CCDC92B: variants seen among roughly 807,000 people sequenced by gnomAD.
CCDC92B encodes coiled-coil domain containing 92B.
A neutral mutation model predicts 5.6 loss-of-function variants in CCDC92B; 2 were observed. The ratio of observed to expected loss-of-function variants is 0.36; its 90% CI spans 0.15 to 1.12. The LOEUF is 1.12. Ranked by LOEUF, CCDC92B falls within the 50% of genes most tolerant of loss-of-function variation. The pLI, the probability that CCDC92B is intolerant of heterozygous loss-of-function variation, is 0.40. For missense variants in CCDC92B, 271 were observed against 262.2 expected, an observed-to-expected ratio of 1.03 and a Z score of -0.23; for synonymous variants, 115 against 122.3, an observed-to-expected ratio of 0.94 and a Z score of 0.39.
At chr17:2,727,551 T>G (rs144461593) in intron 3 of CCDC92B, among the ~76,000 whole-genome samples, 1 of 152,028 alleles carries the variant, frequency 6.6e-6, no homozygotes, top group Non-Finnish European at 1.5e-5. Flanking sequence ...GAGGGCTGGG[T>G]GCAGTGGCTC....
Position 2,728,149 on chromosome 17 carries a change from A to G in CCDC92B, c.178+2297T>C, listed in dbSNP as rs527785073. On this transcript the variant is annotated intron_variant, in intron 3 of 3. Transcript: ENST00000614400. ...AAAACCAGCCTGGGTGACATGGCGAAACCCCTCTCTACAAAAAAGCTGGGC... is the reference window on the plus strand; with the variant it reads ...AAAACCAGCCTGGGTGACATGGCGAGACCCCTCTCTACAAAAAAGCTGGGC... Among the ~76,000 whole-genome samples, 25 of 148,142 alleles carry G rather than the reference A, an allele frequency of 1.7e-4. No homozygotes were observed. In the South Asian group the frequency reaches 5.1e-3, roughly 30 times the overall value.
intron 1 of CCDC92B, among the ~76,000 whole-genome samples, chr17:2,736,424 C>T (rs1427623920): frequency 6.6e-6 from 1 of 151,794 alleles, no homozygotes; most frequent in African/African-American, 2.4e-5. Context: ...GAGACTCTGT[C>T]TCTAAATAAA....
chr17:2,744,711 G>A (rs1167659097), intron 1 of CCDC92B, among the ~76,000 whole-genome samples: 4 of 152,122 alleles, frequency 2.6e-5, no homozygotes, highest in African/African-American at 9.7e-5. Flanking sequence ...TGTGTTAGGG[G>A]TGATATACCC....
intron 1 of CCDC92B, among the ~76,000 whole-genome samples, chr17:2,740,595 G>A (rs939276449): frequency 3.3e-5 from 5 of 151,802 alleles, no homozygotes; most frequent in African/African-American, 7.3e-5. Flanking sequence ...CCCAGGAGGC[G>A]GAGGTTGCAG....
At chr17:2,729,442 C>T (rs970818935) in intron 3 of CCDC92B, among the ~76,000 whole-genome samples, 4 of 138,762 alleles carry the variant, frequency 2.9e-5, no homozygotes, top group South Asian at 2.2e-4. Context: ...TGCAGTGAGC[C>T]GAGATCGTGC....
intron 1 of CCDC92B, among the ~76,000 whole-genome samples, chr17:2,736,673 T>C (rs1184846858): frequency 6.6e-6 from 1 of 151,536 alleles, no homozygotes; most frequent in African/African-American, 2.4e-5. Context: ...TTGAGGTCAG[T>C]TCGAGACCAG....
rs1304510787 is a variant in CCDC92B at position 2,724,407 on chromosome 17, G to A, written c.*4C>T. On this transcript the variant is annotated 3_prime_UTR_variant, in exon 4 of 4. Coordinates refer to ENST00000614400, the MANE Select transcript of CCDC92B (RefSeq NM_001355573.2). This position sits in a 1 kb window ranked among gnomAD's most constrained non-coding sequence, Gnocchi z 5.0. Reference sequence around the variant, plus strand: ...GTCCCGCGTCACCCCGGCCAGCCTGGCGCCTACTCCGGGTCCCCGGGCGCG... The same window carrying A: ...GTCCCGCGTCACCCCGGCCAGCCTGACGCCTACTCCGGGTCCCCGGGCGCG... 1.0e-6 allele frequency: 1 copy of A among 984,832 alleles called. No individual in the cohort carries two copies. The highest frequency in any genetic ancestry group is 1.2e-6 in the Non-Finnish European group (1 of 829,794). The allele number at this position is 984,832 out of a possible 1,614,324, so 61.0% of individuals were successfully genotyped here. A position where few individuals can be genotyped will look rare whatever the true frequency, so the allele number is the denominator to read the frequency against.
intron 1 of CCDC92B, among the ~76,000 whole-genome samples, chr17:2,738,842 G>A (rs577513190): frequency 1.3e-5 from 2 of 151,460 alleles, no homozygotes; most frequent in South Asian, 4.2e-4. Flanking sequence ...AGGCTGAGGC[G>A]GGTGGATCAC....
chr17:2,727,591 C>T (rs1198356603), intron 3 of CCDC92B, among the ~76,000 whole-genome samples: 5 of 151,736 alleles, frequency 3.3e-5, no homozygotes, highest in Admixed American at 6.6e-5. Context: ...TTTGGGAGGC[C>T]AAGGTGGGCG....
At chr17:2,743,011 A>G (rs1362256482) in intron 1 of CCDC92B, among the ~76,000 whole-genome samples, 2 of 152,108 alleles carry the variant, frequency 1.3e-5, no homozygotes, top group Non-Finnish European at 2.9e-5. Context: ...CACTATCTCC[A>G]TCGTCATCAC....
Position 2,724,771 on chromosome 17 carries a change from C to T in CCDC92B, c.408G>A (p.Ala136=). ...GCAGCTGGCAGGAGAGGTAGGCGGC[C>T]GCCTCGGTGTGCTTCTGCAGCTCGG... ...LGTELQKHTE[A]AAYLSCQLHA... is the part of the protein sequence containing the mutation. The change falls in exon 4 of 4, where the codon GCG becomes GCA. Residue 136 remains alanine (A), a synonymous_variant. Transcript: ENST00000614400. This position sits in a 1 kb window ranked among gnomAD's most constrained non-coding sequence, Gnocchi z 5.0. The T allele has an allele frequency of 1.0e-6, 1 of 983,956 alleles. No homozygotes were observed. Among genetic ancestry groups the T allele is most frequent in the Non-Finnish European group, 1.2e-6 (1 of 829,462 alleles). The allele number at this position is 983,956 out of a possible 1,614,324, so 61.0% of individuals were successfully genotyped here.
At chr17:2,741,415 G>A (rs976752483) in intron 1 of CCDC92B, among the ~76,000 whole-genome samples, 3 of 151,874 alleles carry the variant, frequency 2.0e-5, no homozygotes, top group African/African-American at 4.8e-5. Context: ...GGGGTCTCAC[G>A]CCTGTAATCC....
chr17:2,734,974 G>A, intron 2 of CCDC92B, 42 bp downstream of exon 2: 1 of 895,710 alleles, frequency 1.1e-6, no homozygotes, highest in Non-Finnish European at 1.3e-6. Context: ...GATGATGACA[G>A]TGACCTCTCC....
chr17:2,729,005 G>T (rs1199312365), intron 3 of CCDC92B, among the ~76,000 whole-genome samples: 1 of 152,106 alleles, frequency 6.6e-6, no homozygotes, highest in Non-Finnish European at 1.5e-5. Context: ...GGCCAAGAAA[G>T]ACTTTTTATG....
At position 2,723,881 on chromosome 17, in the gene CCDC92B, G is replaced by C; in HGVS notation, c.*530C>G. On this transcript the variant is annotated 3_prime_UTR_variant, in exon 4 of 4. Transcript: ENST00000614400. Reference sequence around the variant, plus strand: ...CTCACCTGCAAGGACCTATCGGCAGGGTCAGGGTGGGGGTAGAAGGACCAG... The same window carrying C: ...CTCACCTGCAAGGACCTATCGGCAGCGTCAGGGTGGGGGTAGAAGGACCAG... 4.3e-6 allele frequency: 4 copies of C among 919,618 alleles called. No homozygotes were observed. The highest frequency in any genetic ancestry group is 5.2e-6 in the Non-Finnish European group (4 of 769,906). 57.0% of individuals were successfully genotyped at this position (919,618 alleles called of 1,614,324 possible). A position where few individuals can be genotyped will look rare whatever the true frequency, so the allele number is the denominator to read the frequency against.
rs897712788 is a variant in CCDC92B, at chr17:2,735,136, C to G, written c.10G>C (p.Val4Leu). The G allele has an allele frequency of 1.0e-6, 1 of 985,512 alleles. No homozygotes were observed. Among genetic ancestry groups the G allele is most frequent in the African/African-American group, 1.7e-5 (1 of 57,262 alleles). The allele number at this position is 985,512 out of a possible 1,614,324, so 61.0% of individuals were successfully genotyped here. Residue 4 changes from valine (V) to leucine (L), a missense_variant, in exon 2 of 4, where the codon GTG becomes CTG. Val to Leu is a conservative substitution (Grantham distance 32, BLOSUM62 1). Coordinates refer to ENST00000614400, the MANE Select transcript of CCDC92B (RefSeq NM_001355573.2). MDT[V>L]SLEHQIQSVQ... ...CTCTGGATCTGATGCTCCAGGGACA[C>G]GGTATCCATGGCAACCCAGGCCTGG...
intron 3 of CCDC92B, among the ~76,000 whole-genome samples, chr17:2,725,625 T>C (rs911031284): frequency 6.6e-6 from 1 of 151,774 alleles, no homozygotes; most frequent in Non-Finnish European, 1.5e-5. Context: ...TTGTGCATTG[T>C]GTTAGGTATT....
chr17:2,726,913 C>CTT (rs564106911), intron 3 of CCDC92B, among the ~76,000 whole-genome samples: 3,532 of 135,536 alleles, frequency 0.026, 203 homozygotes, highest in African/African-American at 0.092. Context: ...ACGCCCAGCC[C>CTT]TTTTTTTTTT....
rs181826854 is a variant in CCDC92B, at chr17:2,735,792, T to C, written c.-23-624A>G. On this transcript the variant is annotated intron_variant, in intron 1 of 3. Transcript: ENST00000614400. ...AAAACAAATGGAGTGGCAAAGTCAG[T>C]AGAGAGACAGAGAACCTGGGTTCTA... 2.8e-4 allele frequency among the ~76,000 whole-genome samples: 42 copies of C among 152,226 alleles called. No homozygotes were observed. The Middle Eastern group carries it at 0.01, about 37-fold the overall frequency.
Sources: gnomAD v4.1 joint callset for allele counts (sites outside exome capture counted in the v4.1 genomes callset) on GRCh38, gnomAD v4.1.1 for gene constraint, Gnocchi (gnomAD v3.1) non-coding constraint, MANE v1.5 for transcripts, NCBI Gene and HGNC (gene_info 2026-07-23, HGNC 2026-07-21) for gene names.